The following TM7SF3 variants were observed in gnomAD, a reference collection of about 807,000 sequenced individuals.
TM7SF3 encodes transmembrane 7 superfamily member 3.
Under a neutral mutation model 65.5 loss-of-function variants are expected in TM7SF3, and 60 were observed. The ratio of observed to expected loss-of-function variants is 0.92; its 90% CI spans 0.74 to 1.14. The LOEUF (loss-of-function observed/expected upper bound fraction) is 1.14. TM7SF3 is among the 50% of genes most tolerant of loss of function. TM7SF3 has a pLI of 0.00. For synonymous variants in TM7SF3, 264 were observed against 259.6 expected, an observed-to-expected ratio of 1.02 and a Z score of -0.16; for missense variants, 623 against 684.8, an observed-to-expected ratio of 0.91 and a Z score of 1.01.
intron 4 of TM7SF3, 25 bp downstream of exon 4, chr12:26,996,717 T>C: frequency 1.3e-6 from 2 of 1,596,662 alleles, no homozygotes; most frequent in Non-Finnish European, 8.5e-7. Context: ...TAAAAGCATT[T>C]CTCAGACATG....
chr12:26,990,640 A>C lies in TM7SF3; in HGVS notation c.691-13T>G. The C allele has an allele frequency of 6.2e-7, 1 of 1,609,596 alleles. No individual in the cohort carries two copies. Among genetic ancestry groups the C allele is most frequent in the Non-Finnish European group, 8.5e-7 (1 of 1,176,894 alleles). On this transcript the variant is annotated splice_polypyrimidine_tract_variant and intron_variant, in intron 5 of 11. Coordinates refer to ENST00000343028, the MANE Select transcript of TM7SF3 (RefSeq NM_016551.3). ...TTAGGGTAACCACCTGAAGCCAAAA[A>C]TAACACATGATTAGTGTTTAGGGGA... is the stretch of plus-strand genomic sequence containing the variant.
intron 7 of TM7SF3, 94 bp downstream of exon 7, chr12:26,982,679 G>A (rs1939867858): frequency 1.3e-6 from 1 of 772,350 alleles, no homozygotes; most frequent in Non-Finnish European, 2.0e-6. Flanking sequence ...GAAGATAGTA[G>A]AGATAAGTAA....
rs764601817 is a variant in TM7SF3 at position 26,974,027 on chromosome 12, G to A, written c.1651C>T (p.Gln551Ter). 6.2e-7 allele frequency: 1 copy of A among 1,614,136 alleles called. No homozygotes were observed. Among genetic ancestry groups the A allele is most frequent in the Non-Finnish European group, 8.5e-7 (1 of 1,180,032 alleles). ...LRERLYGRLT[Q>*]IKGLFQKEQP... ...TCCTTCTGGAAGAGCCCTTTAATCT[G>A]GGTTAATCGGCCATAGAGCCTCTCT... is the stretch of plus-strand genomic sequence containing the variant. Residue 551 changes from glutamine to a stop codon, truncating the protein, a stop_gained, in exon 12 of 12, where the codon CAG becomes TAG. Coordinates refer to ENST00000343028, the MANE Select transcript of TM7SF3 (RefSeq NM_016551.3). LOFTEE classifies it high-confidence loss of function.
chr12:27,003,205 G>T, intron 2 of TM7SF3, 31 bp downstream of exon 2: 1 of 1,524,874 alleles, frequency 6.6e-7, no homozygotes, highest in Admixed American at 1.9e-5. Flanking sequence ...ATATAGAAAT[G>T]ATTTTTACTA....
At chr12:26,993,379 T>C (rs916799379) in intron 5 of TM7SF3, among the ~76,000 whole-genome samples, 2 of 152,204 alleles carry the variant, frequency 1.3e-5, no homozygotes, top group African/African-American at 2.4e-5. Flanking sequence ...TTCCACAATT[T>C]TGTGTCTAAC....
chr12:26,984,155 T>G (rs748402913), intron 6 of TM7SF3, among the ~76,000 whole-genome samples: 45 of 152,154 alleles, frequency 3.0e-4, no homozygotes, highest in Middle Eastern at 3.4e-3. Flanking sequence ...AACAGCCGGG[T>G]GCAGTGGCTC....
chr12:26,999,395 C>CAA (rs11449540), intron 3 of TM7SF3, 131 bp downstream of exon 3: 4,778 of 860,494 alleles, frequency 5.6e-3, no homozygotes, highest in East Asian at 0.02. Flanking sequence ...GACTCCATCT[C>CAA]AAAAAAAAAA....
intron 2 of TM7SF3, among the ~76,000 whole-genome samples, chr12:27,002,682 G>C (rs931421159): frequency 6.6e-6 from 1 of 152,156 alleles, no homozygotes; most frequent in African/African-American, 2.4e-5. Context: ...AACTTTCTAA[G>C]GCTGAGGTTG....
intron 7 of TM7SF3, among the ~76,000 whole-genome samples, chr12:26,980,870 ACTACAG>A (rs1254867394): frequency 6.6e-6 from 1 of 152,212 alleles, no homozygotes; most frequent in Non-Finnish European, 1.5e-5. Flanking sequence ...TAAAGTACCA[ACTACAG>A]GATACACTTT....
chr12:26,982,887 A>G, intron 6 of TM7SF3, 28 bp from the exon 7 acceptor site: 3 of 1,460,306 alleles, frequency 2.1e-6, no homozygotes, highest in Non-Finnish European at 2.8e-6. Flanking sequence ...TTTAGTGGAT[A>G]ATACATCCAA....
intron 1 of TM7SF3, 59 bp from the exon 2 acceptor site, chr12:27,003,449 T>C (rs1240087423): frequency 2.1e-6 from 3 of 1,462,098 alleles, no homozygotes; most frequent in East Asian, 4.6e-5. Flanking sequence ...TTTGCAGAAA[T>C]CATATTCATA....
rs757373871 is a variant in TM7SF3, at chr12:27,003,237, G to A, written c.245C>T (p.Pro82Leu). Reference sequence around the variant, plus strand: ...ACTAAAATAATTCTTTGCACTTACCGGAGAAAAGGAAACAGTTGTATTCTG... The same window carrying A: ...ACTAAAATAATTCTTTGCACTTACCAGAGAAAAGGAAACAGTTGTATTCTG... ...QYQNTTVSFS[P>L]TLLSNSSETG... Residue 82 changes from proline to leucine, a missense_variant and splice_region_variant, in exon 2 of 12, where the codon CCG becomes CTG. Physicochemically the swap from Pro to Leu is moderately conservative, Grantham distance 98. Transcript: ENST00000343028. 33 of 1,600,056 alleles carry A rather than the reference G, an allele frequency of 2.1e-5. 1 individual carries two copies. Among genetic ancestry groups the A allele is most frequent in the African/African-American group, 6.7e-5 (5 of 74,222 alleles).
At chr12:26,982,731 A>G in intron 7 of TM7SF3, 42 bp downstream of exon 7, 6 of 1,437,884 alleles carry the variant, frequency 4.2e-6, no homozygotes, top group Non-Finnish European at 4.8e-6. Context: ...CAACACTGAA[A>G]AGACTGCAAA....
intron 1 of TM7SF3, among the ~76,000 whole-genome samples, chr12:27,009,826 C>G (rs1941179303): frequency 6.6e-6 from 1 of 151,114 alleles, no homozygotes; most frequent in African/African-American, 2.4e-5. Flanking sequence ...GATAAACAAG[C>G]AAAGGATAAA....
chr12:26,994,951 G>A (rs185180610), intron 5 of TM7SF3, among the ~76,000 whole-genome samples: 12 of 152,278 alleles, frequency 7.9e-5, no homozygotes, highest in Admixed American at 6.5e-4. Context: ...AGTCGTGGGA[G>A]TACACAGAAA....
intron 9 of TM7SF3, 123 bp downstream of exon 9, chr12:26,979,661 G>T: frequency 2.7e-6 from 3 of 1,095,662 alleles, no homozygotes; most frequent in South Asian, 1.6e-5. Context: ...CACCATCAAT[G>T]CAGATTTCCA....
rs1369949970 is a variant in TM7SF3 at position 26,973,612 on chromosome 12, G to A, written c.*353C>T. On this transcript the variant is annotated 3_prime_UTR_variant, in exon 12 of 12. Coordinates refer to ENST00000343028, the MANE Select transcript of TM7SF3 (RefSeq NM_016551.3). ...CTCAGGTGAGAGACTTGTTTCAAGG[G>A]GTTATAAAAAGAAACACCAGTGCTC... The A allele has an allele frequency of 5.6e-6, 1 of 178,746 alleles. No individual in the cohort carries two copies. Among genetic ancestry groups the A allele is most frequent in the East Asian group, 1.5e-4 (1 of 6,524 alleles). 11.1% of individuals were successfully genotyped at this position (178,746 alleles called of 1,614,324 possible).
chr12:27,003,426 A>T, intron 1 of TM7SF3, 36 bp from the exon 2 acceptor site: 2 of 1,558,858 alleles, frequency 1.3e-6, no homozygotes, highest in Non-Finnish European at 1.7e-6. Flanking sequence ...CAACACTTGT[A>T]CTCTCATATC....
intron 6 of TM7SF3, among the ~76,000 whole-genome samples, chr12:26,985,548 C>A (rs1170540978): frequency 1.4e-5 from 2 of 141,494 alleles, no homozygotes; most frequent in African/African-American, 5.3e-5. Flanking sequence ...TTACTTGAAC[C>A]TGAGAGGCAG....
Sources: allele counts gnomAD v4.1 joint callset (sites outside exome capture counted in the v4.1 genomes callset), GRCh38; gene constraint gnomAD v4.1.1; transcripts MANE v1.5; gene names NCBI Gene and HGNC (gene_info 2026-07-23, HGNC 2026-07-21).